Variants in RAPGEF4 observed in about 807,000 individuals in gnomAD.
The protein encoded by RAPGEF4 is Rap guanine nucleotide exchange factor 4.
Under a neutral mutation model 147.9 loss-of-function variants are expected in RAPGEF4, and 66 were observed. The ratio of observed to expected loss-of-function variants is 0.45; its 90% confidence interval spans 0.37 to 0.55. The LOEUF (loss-of-function observed/expected upper bound fraction) is 0.55. RAPGEF4 is among the 20% of genes least tolerant of loss of function. The pLI is 0.00. For synonymous variants in RAPGEF4, 419 were observed against 442.7 expected (o/e 0.95, Z 0.67); for missense variants, 1,071 against 1,257.3 (o/e 0.85, Z 2.24).
At chr2:173,003,628 A>G (rs1470508729) in intron 17 of RAPGEF4, among the ~76,000 whole-genome samples, 1 of 152,186 alleles carries the variant, frequency 6.6e-6, no homozygotes, top group Non-Finnish European at 1.5e-5. Context: ...ACAAAAAAAC[A>G]AAAAAGGAGT....
At chr2:173,034,035 G>A in intron 27 of RAPGEF4, 71 bp downstream of exon 27, 3 of 1,468,828 alleles carry the variant, frequency 2.0e-6, no homozygotes, top group Non-Finnish European at 2.8e-6. Flanking sequence ...CTGAATTGAA[G>A]TTCTCATTTT....
chr2:172,763,917 CTG>C (rs1254283299), intron 1 of RAPGEF4, among the ~76,000 whole-genome samples: 5 of 152,016 alleles, frequency 3.3e-5, no homozygotes, highest in Non-Finnish European at 7.4e-5. Context: ...GAAAGGGACT[CTG>C]TATGCAAATC....
intron 4 of RAPGEF4, among the ~76,000 whole-genome samples, chr2:172,888,481 T>C (rs1384823177): frequency 6.6e-6 from 1 of 152,208 alleles, no homozygotes; most frequent in East Asian, 1.9e-4. Context: ...GTGGAAGAAA[T>C]GGATTATTTG....
chr2:172,901,430 C>T (rs1300545650), intron 4 of RAPGEF4, among the ~76,000 whole-genome samples: 1 of 152,190 alleles, frequency 6.6e-6, no homozygotes, highest in Non-Finnish European at 1.5e-5. Flanking sequence ...TGACCATGTA[C>T]ATCATATGAT....
chr2:172,925,937 G>A (rs1685288108), intron 6 of RAPGEF4, among the ~76,000 whole-genome samples: 1 of 138,068 alleles, frequency 7.2e-6, no homozygotes. Flanking sequence ...GAAAGAGGAG[G>A]GAGGGAAGGA....
At chr2:172,917,719 A>C in intron 4 of RAPGEF4, 83 bp from the exon 5 acceptor site, 2 of 1,228,564 alleles carry the variant, frequency 1.6e-6, no homozygotes, top group Non-Finnish European at 2.4e-6. Flanking sequence ...GACACCCAGC[A>C]TTTCTGCTTT....
intron 4 of RAPGEF4, 76 bp from the exon 5 acceptor site, chr2:172,917,726 C>T (rs2150033153): frequency 7.5e-7 from 1 of 1,332,094 alleles, no homozygotes; most frequent in East Asian, 2.3e-5. Context: ...AGCATTTCTG[C>T]TTTTTAACAT....
intron 4 of RAPGEF4, among the ~76,000 whole-genome samples, chr2:172,891,592 T>C (rs1414663778): frequency 6.6e-6 from 1 of 152,188 alleles, no homozygotes; most frequent in Non-Finnish European, 1.5e-5. Context: ...TTGACAGTGG[T>C]TCTGCGTGGT....
intron 4 of RAPGEF4, among the ~76,000 whole-genome samples, chr2:172,903,152 T>C (rs1699248445): frequency 1.3e-5 from 2 of 151,960 alleles, no homozygotes; most frequent in African/African-American, 4.8e-5. Flanking sequence ...GTGGATCACC[T>C]GAGGTCAGGA....
At chr2:172,768,454 T>C (rs1347047970) in intron 1 of RAPGEF4, among the ~76,000 whole-genome samples, 1 of 145,828 alleles carries the variant, frequency 6.9e-6, no homozygotes, top group Non-Finnish European at 1.5e-5. Context: ...ACAATTCCAA[T>C]AGGAAGCTGC....
At chr2:172,934,696 A>T (rs180780110) in intron 6 of RAPGEF4, among the ~76,000 whole-genome samples, 5 of 152,218 alleles carry the variant, frequency 3.3e-5, no homozygotes, top group Admixed American at 6.5e-5. Flanking sequence ...CTGAACCGGA[A>T]GGATTTCTGA....
At chr2:173,036,601 T>C in intron 28 of RAPGEF4, 27 bp from the exon 29 acceptor site, 1 of 1,548,234 alleles carries the variant, frequency 6.5e-7, no homozygotes, top group Non-Finnish European at 8.9e-7. Context: ...CATTAGTGAT[T>C]AGAATGTGGC....
chr2:172,892,851 G>A (rs954216503), intron 4 of RAPGEF4, among the ~76,000 whole-genome samples: 1 of 152,196 alleles, frequency 6.6e-6, no homozygotes, highest in Non-Finnish European at 1.5e-5. Context: ...AAAGTGAATA[G>A]GATACAGTTT....
chr2:172,851,473 G>A (rs550868668), intron 4 of RAPGEF4, among the ~76,000 whole-genome samples: 11 of 152,032 alleles, frequency 7.2e-5, no homozygotes, highest in African/African-American at 9.6e-5. Context: ...AGTATCGAGC[G>A]ACTATAAAGA....
intron 4 of RAPGEF4, among the ~76,000 whole-genome samples, chr2:172,878,943 C>A (rs1696285009): frequency 6.6e-6 from 1 of 152,114 alleles, no homozygotes; most frequent in African/African-American, 2.4e-5. Flanking sequence ...AACAAGTACT[C>A]TTGTACTCTG....
chr2:172,937,412 C>T (rs897603322), intron 6 of RAPGEF4, among the ~76,000 whole-genome samples: 9 of 152,052 alleles, frequency 5.9e-5, no homozygotes, highest in Non-Finnish European at 1.2e-4. Flanking sequence ...GGATATAGGT[C>T]GGGTATTTGG....
chr2:173,051,632 T>G lies in RAPGEF4; in HGVS notation c.2909-8T>G. The G allele has an allele frequency of 6.2e-7, 1 of 1,613,172 alleles. No homozygotes were observed. Among genetic ancestry groups the G allele is most frequent in the South Asian group, 1.1e-5 (1 of 90,970 alleles). ...CAATGCCAATTCTGCCCTTTCCTCT[T>G]TCAACAGATCCTGATGCAGCTCAAG... On this transcript the variant is annotated splice_polypyrimidine_tract_variant and splice_region_variant and intron_variant, in intron 30 of 30. Transcript: ENST00000397081.
intron 19 of RAPGEF4, 46 bp downstream of exon 19, chr2:173,016,483 C>G: frequency 6.8e-7 from 1 of 1,463,332 alleles, no homozygotes; most frequent in Non-Finnish European, 9.6e-7. Context: ...TCAAGTAAAT[C>G]TCAAAAAGTC....
At chr2:172,814,243 TTAATTTTC>T (rs1688292571) in intron 3 of RAPGEF4, 28 bp from the exon 4 acceptor site, 3 of 1,609,926 alleles carry the variant, frequency 1.9e-6, no homozygotes, top group Non-Finnish European at 2.5e-6. Flanking sequence ...CATTAGATGT[TTAATTTTC>T]TAATGACTAG....
Sources: allele counts gnomAD v4.1 joint callset (sites outside exome capture counted in the v4.1 genomes callset), GRCh38; gene constraint gnomAD v4.1.1; transcripts MANE v1.5; gene names NCBI Gene and HGNC (gene_info 2026-07-23, HGNC 2026-07-21).